CADM2: variants seen among roughly 807,000 people sequenced by gnomAD.
CADM2 encodes immunoglobulin superfamily member 4D.
CADM2 carries 12 observed loss-of-function variants against 49.8 expected under a neutral mutation model. That is an observed-to-expected ratio of 0.24 (90% CI 0.15 to 0.39). CADM2 has a LOEUF of 0.39. Ranked by LOEUF, CADM2 falls within the 10% of genes least tolerant of loss-of-function variation. The pLI, the probability that CADM2 is intolerant of heterozygous loss-of-function variation, is 1.00. For synonymous variants in CADM2, 214 were observed against 175.4 expected (o/e 1.22, Z -1.74); for missense variants, 378 against 492.3 (o/e 0.77, Z 2.20).
rs528251884 is a variant in CADM2 at position 85,690,825 on chromosome 3, G to A, written c.62-35697G>A. On this transcript the variant is annotated intron_variant, in intron 1 of 9. Coordinates refer to ENST00000383699, the MANE Select transcript of CADM2 (RefSeq NM_001167675.2). ...AATACTTGTACATATTTATGGTACA[G>A]TGCGATATTTCTATACTTGTATACA... Among the ~76,000 whole-genome samples the A allele has an allele frequency of 4.9e-4, 75 of 152,134 alleles. 1 individual carries two copies. Among genetic ancestry groups the A allele is most frequent in the Non-Finnish European group, 1.0e-4 (7 of 68,016 alleles).
chr3:85,504,773 G>C (rs2040256251), intron 1 of CADM2, among the ~76,000 whole-genome samples: 2 of 152,310 alleles, frequency 1.3e-5, no homozygotes, highest in East Asian at 1.9e-4. Flanking sequence ...CCCACGGAGG[G>C]GGTGGGAGGC....
intron 8 of CADM2, among the ~76,000 whole-genome samples, chr3:86,047,319 T>C (rs916548844): frequency 6.6e-5 from 10 of 152,136 alleles, no homozygotes; most frequent in African/African-American, 1.9e-4. Flanking sequence ...AATAGACATA[T>C]TGCAATATGC....
intron 1 of CADM2, among the ~76,000 whole-genome samples, chr3:85,102,101 G>T (rs1311293169): frequency 6.6e-6 from 1 of 152,140 alleles, no homozygotes; most frequent in African/African-American, 2.4e-5. Context: ...GTCTTATGTA[G>T]CCTGTTCTGC....
chr3:85,582,100 A>T (rs1356348740), intron 1 of CADM2, among the ~76,000 whole-genome samples: 1 of 151,846 alleles, frequency 6.6e-6, no homozygotes, highest in African/African-American at 2.4e-5. Flanking sequence ...TAATTTTTGT[A>T]TTTTTAGTAG....
chr3:85,450,366 T>C (rs1217975913), intron 1 of CADM2, among the ~76,000 whole-genome samples: 1 of 152,126 alleles, frequency 6.6e-6, no homozygotes, highest in African/African-American at 2.4e-5. Flanking sequence ...TGCATATAAA[T>C]ATGTACATAT....
chr3:86,001,639 G>A (rs1026255719), intron 8 of CADM2, among the ~76,000 whole-genome samples: 1 of 152,060 alleles, frequency 6.6e-6, no homozygotes, highest in Non-Finnish European at 1.5e-5. Context: ...AGCAGAACAT[G>A]AAAGGAAATA....
At chr3:85,772,219 A>G (rs576356562) in intron 2 of CADM2, among the ~76,000 whole-genome samples, 15 of 151,682 alleles carry the variant, frequency 9.9e-5, no homozygotes, top group African/African-American at 3.4e-4. Context: ...CATGCATCCA[A>G]CTGGAAAAAG....
At chr3:85,589,605 T>A (rs994343451) in intron 1 of CADM2, among the ~76,000 whole-genome samples, 5 of 152,044 alleles carry the variant, frequency 3.3e-5, no homozygotes, top group Non-Finnish European at 7.4e-5. Flanking sequence ...GACATACACA[T>A]AGGGAACCCA....
chr3:85,014,066 T>TATTGTATATTATATATACGCAGTGTAAA, intron 1 of CADM2, among the ~76,000 whole-genome samples: 7 of 145,384 alleles, frequency 4.8e-5, no homozygotes, highest in Admixed American at 3.5e-4. Context: ...AGTGTAATAA[T>TATTGTATATTATATATACGCAGTGTAAA]ATTGTATATT....
intron 1 of CADM2, among the ~76,000 whole-genome samples, chr3:85,407,546 C>T (rs1457185367): frequency 6.6e-6 from 1 of 152,158 alleles, no homozygotes; most frequent in East Asian, 1.9e-4. Context: ...TTCCTAAAAA[C>T]AACTCTGTTC....
At chr3:85,375,033 A>G (rs1219013606) in intron 1 of CADM2, among the ~76,000 whole-genome samples, 1 of 152,214 alleles carries the variant, frequency 6.6e-6, no homozygotes, top group African/African-American at 2.4e-5. Context: ...TCAATCATTT[A>G]TTCAACAAAA....
chr3:85,883,518 A>G (rs1713121643), intron 4 of CADM2, 75 bp downstream of exon 4: 2 of 1,249,210 alleles, frequency 1.6e-6, no homozygotes, highest in East Asian at 2.5e-5. Flanking sequence ...ATAATTCAAT[A>G]CAAAAATATA....
chr3:85,629,715 A>C (rs961850519), intron 1 of CADM2, among the ~76,000 whole-genome samples: 4 of 152,018 alleles, frequency 2.6e-5, no homozygotes, highest in African/African-American at 9.6e-5. Flanking sequence ...TCTTTTAGAC[A>C]GAAGTTACCC....
chr3:85,022,984 T>C (rs981879946), intron 1 of CADM2, among the ~76,000 whole-genome samples: 1 of 152,138 alleles, frequency 6.6e-6, no homozygotes, highest in Non-Finnish European at 1.5e-5. Flanking sequence ...GTTATGCTTC[T>C]AATTTTCTAC....
At chr3:85,676,108 C>T (rs2107645746) in intron 1 of CADM2, among the ~76,000 whole-genome samples, 1 of 152,300 alleles carries the variant, frequency 6.6e-6, no homozygotes, top group East Asian at 1.9e-4. Flanking sequence ...ACTTTGACAT[C>T]TTCCTGATTC....
chr3:85,485,925 A>G (rs190771415), intron 1 of CADM2, among the ~76,000 whole-genome samples: 9 of 152,152 alleles, frequency 5.9e-5, no homozygotes, highest in African/African-American at 2.2e-4. Flanking sequence ...CCCTGCTAGC[A>G]TCAGGATCAG....
At chr3:85,595,553 G>A (rs2063219128) in intron 1 of CADM2, among the ~76,000 whole-genome samples, 1 of 151,986 alleles carries the variant, frequency 6.6e-6, no homozygotes, top group African/African-American at 2.4e-5. Flanking sequence ...AAGCTAATAT[G>A]TGTAGTATTA....
intron 2 of CADM2, among the ~76,000 whole-genome samples, chr3:85,798,828 G>A (rs2071798106): frequency 6.6e-6 from 1 of 152,090 alleles, no homozygotes; most frequent in Non-Finnish European, 1.5e-5. Flanking sequence ...GTAGCTTGAT[G>A]GGGATGGCAT....
chr3:85,899,881 G>T (rs1056129884), intron 5 of CADM2, among the ~76,000 whole-genome samples: 2 of 152,052 alleles, frequency 1.3e-5, no homozygotes, highest in African/African-American at 4.8e-5. Flanking sequence ...CAGATGCACT[G>T]ATTAGTTCTT....
Sources: allele counts gnomAD v4.1 joint callset (sites outside exome capture counted in the v4.1 genomes callset), GRCh38; gene constraint gnomAD v4.1.1; transcripts MANE v1.5; gene names NCBI Gene and HGNC (gene_info 2026-07-23, HGNC 2026-07-21).